The following TENM2 variants were observed in gnomAD, a reference collection of about 807,000 sequenced individuals.
The protein encoded by TENM2 is teneurin-2.
A neutral mutation model predicts 245.2 loss-of-function variants in TENM2; 52 were observed. That is an observed-to-expected ratio of 0.21 (90% CI 0.17 to 0.27). The LOEUF (loss-of-function observed/expected upper bound fraction) is 0.27, where lower values mean the gene tolerates loss of function less well. TENM2 is among the 10% of genes least tolerant of loss of function. The pLI, the probability that TENM2 is intolerant of heterozygous loss-of-function variation, is 1.00. For missense variants in TENM2, 3,046 were observed against 3,666.8 expected (o/e 0.83, Z 4.37); for synonymous variants, 1,363 against 1,438.9 (o/e 0.95, Z 1.19).
intron 2 of TENM2, among the ~76,000 whole-genome samples, chr5:167,840,402 A>G (rs1372791513): frequency 1.3e-5 from 2 of 152,160 alleles, no homozygotes; most frequent in Non-Finnish European, 2.9e-5. Flanking sequence ...AATTCAAGGA[A>G]CACATGTATT....
At chr5:167,633,891 T>C (rs1779028131) in intron 2 of TENM2, among the ~76,000 whole-genome samples, 1 of 152,162 alleles carries the variant, frequency 6.6e-6, no homozygotes, top group Non-Finnish European at 1.5e-5. Context: ...CCAACAGCCA[T>C]TTTGCTTTGG....
the TENM2 span, among the ~76,000 whole-genome samples, chr5:167,278,165 A>C: frequency 1.3e-5 from 2 of 152,072 alleles, no homozygotes; most frequent in Non-Finnish European, 2.9e-5. Flanking sequence ...TTATCCAGGC[A>C]TGGTGGCACA....
At chr5:167,075,418 A>C in the TENM2 span, among the ~76,000 whole-genome samples, 1 of 152,098 alleles carries the variant, frequency 6.6e-6, no homozygotes, top group Non-Finnish European at 1.5e-5. Context: ...TTTTGGTGCA[A>C]GGTGATTGGG....
chr5:167,414,276 A>G (rs1393166712), intron 2 of TENM2, among the ~76,000 whole-genome samples: 3 of 152,178 alleles, frequency 2.0e-5, no homozygotes, highest in African/African-American at 7.2e-5. Context: ...GCATGAAATG[A>G]TCTTGTAAAA....
At chr5:167,130,741 G>C in the TENM2 span, among the ~76,000 whole-genome samples, 4 of 152,078 alleles carry the variant, frequency 2.6e-5, no homozygotes. Flanking sequence ...AATTTCCACT[G>C]CCACCCTCCT....
intron 23 of TENM2, among the ~76,000 whole-genome samples, chr5:168,223,837 C>T (rs1581680015): frequency 6.6e-6 from 1 of 152,004 alleles, no homozygotes; most frequent in South Asian, 2.1e-4. Flanking sequence ...AAATTCCATA[C>T]AGCAAAACCA....
At chr5:167,404,736 T>G (rs1293751086) in intron 2 of TENM2, among the ~76,000 whole-genome samples, 4 of 152,280 alleles carry the variant, frequency 2.6e-5, no homozygotes, top group Non-Finnish European at 4.4e-5. Flanking sequence ...CTGCTCATGT[T>G]TCTTCATGTT....
At chr5:167,988,952 A>C (rs2151995294) in intron 4 of TENM2, among the ~76,000 whole-genome samples, 1 of 152,352 alleles carries the variant, frequency 6.6e-6, no homozygotes, top group Admixed American at 6.5e-5. Context: ...ATTAAAAATA[A>C]CATTAAAGCC....
Position 168,252,488 on chromosome 5 carries a change from C to A in TENM2, c.7432+4117C>A, listed in dbSNP as rs370717824. The stretch of plus-strand genomic sequence containing the variant: ...GACACACTGGGATCTATACCCTGCC[C>A]CCAGCTCTGCCCTATTCTGAGGCCA... On this transcript the variant is annotated intron_variant, in intron 27 of 28. Coordinates refer to ENST00000518659, the Ensembl canonical transcript of TENM2. Among the ~76,000 whole-genome samples, 375 of 152,062 alleles carry A rather than the reference C, an allele frequency of 2.5e-3. 14 individuals are homozygous for A. The South Asian group carries it at 0.069, about 28-fold the overall frequency.
At chr5:168,052,231 C>CA (rs959262781) in intron 6 of TENM2, among the ~76,000 whole-genome samples, 2 of 150,870 alleles carry the variant, frequency 1.3e-5, no homozygotes, top group East Asian at 1.9e-4. Flanking sequence ...ACTAAAAATA[C>CA]AAAAAAAAAG....
intron 5 of TENM2, among the ~76,000 whole-genome samples, chr5:168,018,999 G>C (rs1383528501): frequency 1.3e-5 from 2 of 152,174 alleles, no homozygotes; most frequent in Non-Finnish European, 2.9e-5. Flanking sequence ...GTTGGTATCA[G>C]AGAGTACTTT....
intron 2 of TENM2, among the ~76,000 whole-genome samples, chr5:167,416,955 G>A (rs939831790): frequency 8.6e-5 from 13 of 151,998 alleles, no homozygotes; most frequent in South Asian, 4.1e-4. Context: ...AGATTGTTTC[G>A]TTTTTCTTTT....
intron 2 of TENM2, among the ~76,000 whole-genome samples, chr5:167,382,649 C>A (rs1761159667): frequency 6.6e-6 from 1 of 152,088 alleles, no homozygotes; most frequent in Admixed American, 6.6e-5. Flanking sequence ...AACAGATAAC[C>A]TATGCAGAGT....
chr5:168,139,403 C>T, intron 12 of TENM2: 1 of 442,652 alleles, frequency 2.3e-6, no homozygotes, highest in Non-Finnish European at 4.5e-6. Flanking sequence ...ATTTTGAAAA[C>T]CTTCAGATGC....
intron 5 of TENM2, among the ~76,000 whole-genome samples, chr5:168,007,667 C>T (rs1784929022): frequency 6.6e-6 from 1 of 152,212 alleles, no homozygotes; most frequent in Non-Finnish European, 1.5e-5. Context: ...TTTCTTGACA[C>T]ACTGAAACGA....
chr5:167,790,123 T>A (rs558789922), intron 2 of TENM2, among the ~76,000 whole-genome samples: 53 of 152,156 alleles, frequency 3.5e-4, no homozygotes, highest in African/African-American at 1.1e-3. Flanking sequence ...CTTTTTTTTT[T>A]AAAGATATGA....
At position 168,237,008 on chromosome 5, in the gene TENM2, T is replaced by A. The variant is rs1765564205; in HGVS notation, c.5521-7412T>A. On this transcript the variant is annotated intron_variant, in intron 25 of 28. Transcript: ENST00000518659. ...TATATATATATATATATATTTTTTT[T>A]TTTTTTTTTTTTTTTTTTTTTTTTT... is the stretch of plus-strand genomic sequence containing the variant. 3.8e-4 allele frequency among the ~76,000 whole-genome samples: 13 copies of A among 34,384 alleles called. No individual in the cohort carries two copies. The South Asian group carries it at 4.1e-3, about 11-fold the overall frequency. The allele number at this position is 34,384 out of a possible 152,430, so 22.6% of individuals were successfully genotyped here.
At chr5:168,156,758 A>G (rs941871053) in intron 12 of TENM2, among the ~76,000 whole-genome samples, 3 of 151,962 alleles carry the variant, frequency 2.0e-5, no homozygotes, top group Admixed American at 6.6e-5. Context: ...AGAACCTTGG[A>G]AACTCTCTCA....
At chr5:168,256,870 G>A (rs1289343986) in intron 27 of TENM2, among the ~76,000 whole-genome samples, 1 of 152,174 alleles carries the variant, frequency 6.6e-6, no homozygotes, top group Non-Finnish European at 1.5e-5. Flanking sequence ...ATTTTTGGCA[G>A]CAATGTCAAC....
Sources: gnomAD v4.1 joint callset for allele counts (sites outside exome capture counted in the v4.1 genomes callset) on GRCh38, gnomAD v4.1.1 for gene constraint, MANE v1.5 for transcripts, NCBI Gene and HGNC (gene_info 2026-07-23, HGNC 2026-07-21) for gene names.